SEMA5A: variants seen among roughly 807,000 people sequenced by gnomAD.
SEMA5A encodes the protein semaphorin-5A.
In SEMA5A, 55 loss-of-function variants were observed where a neutral mutation model predicts 135.5. That is an observed-to-expected ratio of 0.41 (90% confidence interval 0.33 to 0.51). SEMA5A has a LOEUF of 0.51. Among genes scored for constraint, SEMA5A ranks in the 20% least tolerant of loss-of-function variants. SEMA5A has a pLI of 0.37. For synonymous variants in SEMA5A, 580 were observed against 546.5 expected (o/e 1.06, Z -0.85); for missense variants, 1,290 against 1,419.9 (o/e 0.91, Z 1.47).
intron 11 of SEMA5A, among the ~76,000 whole-genome samples, chr5:9,155,095 A>G (rs1394259552): frequency 6.6e-6 from 1 of 152,178 alleles, no homozygotes; most frequent in African/African-American, 2.4e-5. Flanking sequence ...GGTGCCCAGC[A>G]GGGCAAGGAA....
chr5:9,147,745 C>T (rs926511927), intron 12 of SEMA5A, among the ~76,000 whole-genome samples: 3 of 146,116 alleles, frequency 2.1e-5, no homozygotes, highest in East Asian at 3.9e-4. Flanking sequence ...AAAAAAAACC[C>T]ACCTAAGGCC....
intron 1 of SEMA5A, among the ~76,000 whole-genome samples, chr5:9,519,696 C>T (rs189814405): frequency 5.3e-5 from 8 of 152,156 alleles, no homozygotes; most frequent in South Asian, 2.1e-4. Context: ...TGAAGTATTA[C>T]GAAATCCACA....
rs1396581688 is a variant in SEMA5A, at chr5:9,202,089, G to A, written c.798C>T (p.Asp266=). 6.2e-7 allele frequency: 1 copy of A among 1,614,084 alleles called. No homozygotes were observed. Among genetic ancestry groups the A allele is most frequent in the East Asian group, 2.2e-5 (1 of 44,888 alleles). The stretch of plus-strand genomic sequence containing the variant: ...GAGCCTTCATGAATGTGGTCCAGGT[G>A]TCTTCCAGCAGGAAGCGCCCACCAA... The part of the protein sequence containing the change: ...NDIGGRFLLE[D]TWTTFMKARL... Residue 266 remains aspartate (D), a synonymous_variant, in exon 9 of 23, where the codon GAC becomes GAT. Transcript: ENST00000382496.
chr5:9,187,493 C>T (rs7731108), intron 11 of SEMA5A, among the ~76,000 whole-genome samples: 27,395 of 152,016 alleles, frequency 0.18, 2,765 homozygotes, highest in South Asian at 0.24. Flanking sequence ...TGTTGGGCCC[C>T]GGGTATCTAT....
chr5:9,073,970 G>A (rs1465464821), intron 16 of SEMA5A, among the ~76,000 whole-genome samples: 1 of 152,114 alleles, frequency 6.6e-6, no homozygotes, highest in Non-Finnish European at 1.5e-5. Flanking sequence ...ATTCCAGGAG[G>A]CATTTTTGGT....
Position 9,108,223 on chromosome 5 carries a change from G to T in SEMA5A, c.1990C>A (p.Arg664=). The T allele has an allele frequency of 6.2e-7, 1 of 1,614,130 alleles. No homozygotes were observed. ...CCACCCCCGCATTGGGCTGTGCACC[G>T]TTCCCAAGGACCCCAGCCTGTCCAG... ...MFWTGWGPWE[R]CTAQCGGGIQ... is the part of the protein sequence containing the mutation. Residue 664 remains arginine (R), a synonymous_variant, in exon 16 of 23, where the codon CGG becomes AGG. Transcript: ENST00000382496.
intron 1 of SEMA5A, among the ~76,000 whole-genome samples, chr5:9,446,443 G>C (rs1353292269): frequency 6.6e-6 from 1 of 152,112 alleles, no homozygotes; most frequent in African/African-American, 2.4e-5. Flanking sequence ...CCTCAGAATA[G>C]TGAATACTTT....
chr5:9,389,610 C>A (rs1756061179), intron 2 of SEMA5A, among the ~76,000 whole-genome samples: 1 of 152,128 alleles, frequency 6.6e-6, no homozygotes, highest in Non-Finnish European at 1.5e-5. Flanking sequence ...CTTGACAATC[C>A]TTCCCTTACC....
chr5:9,154,482 C>A lies in SEMA5A; in HGVS notation c.1481+6G>T. On this transcript the variant is annotated splice_donor_region_variant and intron_variant, in intron 12 of 22. Transcript: ENST00000382496. ...CCAGTGCATCCTGACCCCGGAGATG[C>A]CCTACCTGCGTGTGCGGTAGAACTG... 6.2e-7 allele frequency: 1 copy of A among 1,611,564 alleles called. No individual in the cohort carries two copies. Among genetic ancestry groups the A allele is most frequent in the Non-Finnish European group, 8.5e-7 (1 of 1,179,612 alleles).
At chr5:9,458,646 AG>A (rs1293033781) in intron 1 of SEMA5A, among the ~76,000 whole-genome samples, 1 of 152,228 alleles carries the variant, frequency 6.6e-6, no homozygotes, top group African/African-American at 2.4e-5. Context: ...AGAAGCTCCA[AG>A]GGTGAGGGAG....
intron 9 of SEMA5A, 48 bp from the exon 10 acceptor site, chr5:9,197,351 C>T (rs1463613953): frequency 8.2e-6 from 13 of 1,594,962 alleles, no homozygotes; most frequent in Non-Finnish European, 1.0e-5. Context: ...CTCGGCAGCA[C>T]CTGCTGACCT....
Position 9,036,428 on chromosome 5 carries a change from G to A in SEMA5A, c.*6469C>T, listed in dbSNP as rs1735657826. On this transcript the variant is annotated 3_prime_UTR_variant, in exon 23 of 23. Transcript: ENST00000382496. ...TTCCATGCTCACTGTATCTATACCAGTTGTCACCAGCCTGTGTCTGATTTT... is the reference window on the plus strand; with the variant it reads ...TTCCATGCTCACTGTATCTATACCAATTGTCACCAGCCTGTGTCTGATTTT... 1 of 152,114 alleles carries A rather than the reference G, an allele frequency of 6.6e-6. No individual in the cohort carries two copies. 9.4% of individuals were successfully genotyped at this position (152,114 alleles called of 1,614,324 possible). A position where few individuals can be genotyped will look rare whatever the true frequency, so the allele number is the denominator to read the frequency against.
At chr5:9,197,736 G>GTGTGTGTT (rs1280307238) in intron 9 of SEMA5A, among the ~76,000 whole-genome samples, 889 of 88,876 alleles carry the variant, frequency 0.01, 20 homozygotes, top group African/African-American at 0.033. Flanking sequence ...GTTTGTGTGT[G>GTGTGTGTT]TGTGTGTGTG....
chr5:9,190,252 G>A lies in SEMA5A; in HGVS notation c.1273+15C>T. On this transcript the variant is annotated intron_variant, in intron 11 of 22. Coordinates refer to ENST00000382496, the MANE Select transcript of SEMA5A (RefSeq NM_003966.3). ...AGATGGTAGAAAACCCCTCAGAGGG[G>A]GCCAGAGCTCCTACCTGTGGCCAAA... 3 of 1,612,994 alleles carry A rather than the reference G, an allele frequency of 1.9e-6. No individual in the cohort carries two copies. The highest frequency in any genetic ancestry group is 1.7e-6 in the Non-Finnish European group (2 of 1,179,326).
At chr5:9,468,980 A>G (rs954390102) in intron 1 of SEMA5A, among the ~76,000 whole-genome samples, 1 of 152,104 alleles carries the variant, frequency 6.6e-6, no homozygotes, top group Non-Finnish European at 1.5e-5. Context: ...GTGAGGCTTA[A>G]GAGTAGCAAT....
intron 13 of SEMA5A, among the ~76,000 whole-genome samples, chr5:9,125,876 C>T (rs543447801): frequency 6.6e-6 from 1 of 152,110 alleles, no homozygotes; most frequent in East Asian, 2.0e-4. Flanking sequence ...GTTTATCAGC[C>T]CTCCCTCTTG....
chr5:9,431,849 C>T (rs755320525), intron 2 of SEMA5A, among the ~76,000 whole-genome samples: 34 of 152,116 alleles, frequency 2.2e-4, no homozygotes, highest in Admixed American at 1.0e-3. Context: ...CACGTCAATC[C>T]CTCCCAGCCT....
chr5:9,423,041 C>T (rs904532083), intron 2 of SEMA5A, among the ~76,000 whole-genome samples: 1 of 152,130 alleles, frequency 6.6e-6, no homozygotes, highest in Admixed American at 6.5e-5. Context: ...TATTTTACTG[C>T]CCTCAGTGAG....
intron 12 of SEMA5A, among the ~76,000 whole-genome samples, chr5:9,152,714 G>T (rs568559472): frequency 1.3e-5 from 2 of 152,280 alleles, no homozygotes; most frequent in South Asian, 2.1e-4. Flanking sequence ...TGAGTCTACA[G>T]CAATTCACAT....
Sources: gnomAD v4.1 joint callset for allele counts (sites outside exome capture counted in the v4.1 genomes callset) on GRCh38, gnomAD v4.1.1 for gene constraint, MANE v1.5 for transcripts, NCBI Gene and HGNC (gene_info 2026-07-23, HGNC 2026-07-21) for gene names.